The following SLC10A3 variants were observed in gnomAD, a reference collection of about 807,000 sequenced individuals.
SLC10A3 encodes the protein P3 protein.
SLC10A3 carries 1 observed loss-of-function variant against 1.9 expected under a neutral mutation model. The observed-to-expected ratio is 0.52, with a 90% CI of 0.19 to 2.48. The LOEUF is 2.48. SLC10A3 is among the 30% of genes most tolerant of loss of function. The pLI is 0.25. For synonymous variants in SLC10A3, 202 were observed against 189.3 expected, an observed-to-expected ratio of 1.07 and a Z score of -0.55; for missense variants, 317 against 398.5, an observed-to-expected ratio of 0.80 and a Z score of 1.74.
Position 154,488,215 on chromosome X carries a change from G to A in SLC10A3, c.726C>T (p.Phe242=), listed in dbSNP as rs2069332038. The change falls in exon 2 of 2, where the codon TTC becomes TTT. Residue 242 remains phenylalanine (F), a synonymous_variant. Coordinates refer to ENST00000651600, the MANE Select transcript of SLC10A3 (RefSeq NM_019848.5). The part of the protein sequence containing the change: ...GQFLVMPLYA[F]LMAKVFMLPK... ...GCAGCATGAAGACCTTGGCCATGAG[G>A]AAAGCGTACAAGGGCATGACCAGAA... 8.3e-7 allele frequency: 1 copy of A among 1,210,291 alleles called. No homozygotes were observed. Among genetic ancestry groups the A allele is most frequent in the Non-Finnish European group, 1.1e-6 (1 of 895,312 alleles).
At chrX:154,489,880 C>G in intron 1 of SLC10A3, 1 of 995,688 alleles carries the variant, frequency 1.0e-6, no homozygotes, top group Non-Finnish European at 1.3e-6. Context: ...TCCCGGCGAG[C>G]CTCCCCTATC....
intron 1 of SLC10A3, chrX:154,489,562 G>A (rs1557214204): frequency 2.0e-5 from 15 of 752,522 alleles, no homozygotes; most frequent in Non-Finnish European, 1.6e-5. Flanking sequence ...GCCCACATGC[G>A]CCCCTACCAG....
chrX:154,490,203 A>G, intron 1 of SLC10A3, 104 bp downstream of exon 1: 1 of 907,371 alleles, frequency 1.1e-6, no homozygotes, highest in Non-Finnish European at 1.4e-6. Context: ...GGGCCGACAG[A>G]GTTTGAGCAG....
chrX:154,488,658 G>A lies in SLC10A3; in HGVS notation c.283C>T (p.Gln95Ter). ...GGGCCAGGCGCCGTCCTGTTGGCCT[G>A]GCCTGGGTACTGGCTGGAGATCACG... ...IIVISSQYPG[Q>*]ANRTAPGPML... The change falls in exon 2 of 2, where the codon CAG becomes TAG. Residue 95 changes from glutamine to a stop codon, truncating the protein, a stop_gained. Transcript: ENST00000651600. LOFTEE classifies it low-confidence loss of function (END_TRUNC). 8.3e-7 allele frequency: 1 copy of A among 1,211,662 alleles called. No homozygotes were observed. Among genetic ancestry groups the A allele is most frequent in the East Asian group, 3.0e-5 (1 of 33,854 alleles).
rs781873205 is a variant in SLC10A3, at chrX:154,488,278, C to T, written c.663G>A (p.Gln221=). 15 of 1,209,873 alleles carry T rather than the reference C, an allele frequency of 1.2e-5. No homozygotes were observed. Among genetic ancestry groups the T allele is most frequent in the Non-Finnish European group, 1.7e-5 (15 of 895,062 alleles). The change falls in exon 2 of 2, where the codon CAG becomes CAA. Residue 221 remains glutamine (Q), a synonymous_variant. Coordinates refer to ENST00000651600, the MANE Select transcript of SLC10A3 (RefSeq NM_019848.5). ...VELEVLKGLM[Q]SPQPMLLGLL... Reference sequence around the variant, plus strand: ...GGCCCAGCAGCATGGGCTGGGGGCTCTGCATGAGCCCCTTCAGAACCTCGA... The same window carrying T: ...GGCCCAGCAGCATGGGCTGGGGGCTTTGCATGAGCCCCTTCAGAACCTCGA...
intron 1 of SLC10A3, chrX:154,489,416 TCAGA>T (rs1431583103): frequency 1.3e-6 from 1 of 752,695 alleles, no homozygotes; most frequent in African/African-American, 2.3e-5. Flanking sequence ...CAGGAGTGGA[TCAGA>T]CAGAGCCACA....
chrX:154,488,446 G>T lies in SLC10A3; in HGVS notation c.495C>A (p.Asp165Glu). 1.7e-6 allele frequency: 2 copies of T among 1,210,699 alleles called. No individual in the cohort carries two copies. Among genetic ancestry groups the T allele is most frequent in the Non-Finnish European group, 2.2e-6 (2 of 894,789 alleles). ...CAGCAGGTGAGACCTTGATGCAGAA[G>T]TCTCTCCGCTCCTCAATCAGTGTGG... ...APPTLIEERR[D>E]FCIKVSPAED... Residue 165 changes from aspartate (D) to glutamate (E), a missense_variant, in exon 2 of 2, where the codon GAC (aspartate) becomes GAA (glutamate). Coordinates refer to ENST00000651600, the MANE Select transcript of SLC10A3 (RefSeq NM_019848.5).
chrX:154,489,101 C>T lies in SLC10A3; in HGVS notation c.-142-19G>A, dbSNP rs2069352005. ...GCTGTCCCTGAGGAGGTAAGGGACA[C>T]AGAGAGGCAGCTGGTGAGGGTCACT... On this transcript the variant is annotated intron_variant, in intron 1 of 1. Transcript: ENST00000651600. 1 of 1,162,267 alleles carries T rather than the reference C, an allele frequency of 8.6e-7. No individual in the cohort carries two copies. The highest frequency in any genetic ancestry group is 1.8e-5 in the African/African-American group (1 of 56,308).
chrX:154,489,630 C>A (rs1342397285), intron 1 of SLC10A3: 2 of 752,758 alleles, frequency 2.7e-6, no homozygotes, highest in Non-Finnish European at 3.1e-6. Context: ...CCCCCTTCCA[C>A]TTCTCAATCT....
chrX:154,487,512 G>A lies in SLC10A3; in HGVS notation c.1429C>T (p.Pro477Ser). The A allele has an allele frequency of 8.3e-7, 1 of 1,211,152 alleles. No homozygotes were observed. Among genetic ancestry groups the A allele is most frequent in the Non-Finnish European group, 1.1e-6 (1 of 895,414 alleles). The change falls in exon 2 of 2, where the codon CCC becomes TCC. Residue 477 changes from proline (P) to serine (S), a missense_variant. By Grantham distance (74) the Pro-to-Ser change is moderately conservative. Coordinates refer to ENST00000651600, the MANE Select transcript of SLC10A3 (RefSeq NM_019848.5). Reference protein sequence around the residue: ...HFIYSSLFPVP With the variant: ...HFIYSSLFPVS ...GAAAGCTTGACCCAGAGGCCTCAGG[G>A]AACTGGGAACAGGCTGCTGTAGATG...
In SLC10A3 at chrX:154,487,504, G is replaced by T. The variant is rs2069314503; in HGVS notation, c.*3C>A. The T allele has an allele frequency of 8.3e-7, 1 of 1,211,007 alleles. No homozygotes were observed. The highest frequency in any genetic ancestry group is 1.1e-6 in the Non-Finnish European group (1 of 895,337). ...GGGCTGATGAAAGCTTGACCCAGAG[G>T]CCTCAGGGAACTGGGAACAGGCTGC... On this transcript the variant is annotated 3_prime_UTR_variant, in exon 2 of 2. Transcript: ENST00000651600.
intron 1 of SLC10A3, chrX:154,489,339 G>A (rs1225676407): frequency 1.3e-6 from 1 of 754,617 alleles, no homozygotes; most frequent in African/African-American, 2.3e-5. Context: ...TGCCCCTACA[G>A]TGACTCGATG....
In SLC10A3 at chrX:154,489,053, G is replaced by A. The variant is rs1362213793; in HGVS notation, c.-113C>T. On this transcript the variant is annotated 5_prime_UTR_variant, in exon 2 of 2. Transcript: ENST00000651600. ...GGGTTCATGGGTGGGTCCCAGTCCT[G>A]TGCTGTCTTCCTTGATGGCAGGGCT... is the stretch of plus-strand genomic sequence containing the variant. 2.1e-5 allele frequency: 25 copies of A among 1,164,420 alleles called. No individual in the cohort carries two copies. Among genetic ancestry groups the A allele is most frequent in the Non-Finnish European group, 2.8e-5 (24 of 871,680 alleles).
rs1603397681 is a variant in SLC10A3, at chrX:154,487,444, T to C, written c.*63A>G. The C allele has an allele frequency of 5.1e-6, 6 of 1,168,781 alleles. No individual in the cohort carries two copies. The highest frequency in any genetic ancestry group is 1.9e-5 in the South Asian group (1 of 53,909). ...ATAAGCCTGGATTTTTCTGAGTGCA[T>C]AGTGCATGAGAACTTTGGTGGAGTG... On this transcript the variant is annotated 3_prime_UTR_variant, in exon 2 of 2. Coordinates refer to ENST00000651600, the MANE Select transcript of SLC10A3 (RefSeq NM_019848.5).
chrX:154,488,873 G>C lies in SLC10A3; in HGVS notation c.68C>G (p.Thr23Arg). 3 of 1,210,478 alleles carry C rather than the reference G, an allele frequency of 2.5e-6. No homozygotes were observed. The highest frequency in any genetic ancestry group is 3.4e-6 in the Non-Finnish European group (3 of 895,292). ...AGCTCTGAGCATGCTTAAGGGACCT[G>C]TGCCACCACCCTCGCCCCCCAGACC... The part of the protein sequence containing the change: ...WPGLGGEGGG[T>R]GPLSMLRAAL... Residue 23 changes from threonine (T) to arginine (R), a missense_variant, in exon 2 of 2, where the codon ACA becomes AGA. Thr to Arg is a moderately conservative substitution (Grantham distance 71, BLOSUM62 -1). Coordinates refer to ENST00000651600, the MANE Select transcript of SLC10A3 (RefSeq NM_019848.5).
In SLC10A3 at chrX:154,488,654, G is replaced by T; in HGVS notation, c.287C>A (p.Ala96Asp). 1 of 1,211,475 alleles carries T rather than the reference G, an allele frequency of 8.3e-7. No individual in the cohort carries two copies. The highest frequency in any genetic ancestry group is 1.1e-6 in the Non-Finnish European group (1 of 895,139). Reference protein sequence around the residue: ...IVISSQYPGQANRTAPGPMLR... With the variant: ...IVISSQYPGQDNRTAPGPMLR... The stretch of plus-strand genomic sequence containing the variant: ...CATGGGGCCAGGCGCCGTCCTGTTG[G>T]CCTGGCCTGGGTACTGGCTGGAGAT... Residue 96 changes from alanine (A) to aspartate (D), a missense_variant, in exon 2 of 2, where the codon GCC (alanine) becomes GAC (aspartate). Ala to Asp is a moderately radical substitution (Grantham distance 126). Coordinates refer to ENST00000651600, the MANE Select transcript of SLC10A3 (RefSeq NM_019848.5).
rs782668844 is a variant in SLC10A3 at position 154,488,762 on chromosome X, G to T, written c.179C>A (p.Pro60Gln). ...AATGCTCAAGTAGCGGCCCCCAGTC[G>T]GTGGCACGGTGTGACCCCCAGCAGT... ...LSTAGGHTVPPTGGRYLSIGD... is the reference protein window; with the variant it reads ...LSTAGGHTVPQTGGRYLSIGD... The change falls in exon 2 of 2, where the codon CCG (proline) becomes CAG (glutamine). Residue 60 changes from proline (P) to glutamine (Q), a missense_variant. Physicochemically the swap from Pro to Gln is moderately conservative, Grantham distance 76 (BLOSUM62 -1). Transcript: ENST00000651600. 6 of 1,211,343 alleles carry T rather than the reference G, an allele frequency of 5.0e-6. No individual in the cohort carries two copies. The South Asian group carries it at 8.8e-5, about 18-fold the overall frequency.
chrX:154,488,440 G>A lies in SLC10A3; in HGVS notation c.501C>T (p.Cys167=). The A allele has an allele frequency of 8.3e-7, 1 of 1,210,805 alleles. No individual in the cohort carries two copies. The highest frequency in any genetic ancestry group is 1.1e-6 in the Non-Finnish European group (1 of 894,750). The change falls in exon 2 of 2, where the codon TGC becomes TGT. Residue 167 remains cysteine (C), a synonymous_variant. Coordinates refer to ENST00000651600, the MANE Select transcript of SLC10A3 (RefSeq NM_019848.5). ...TGTCTTCAGCAGGTGAGACCTTGAT[G>A]CAGAAGTCTCTCCGCTCCTCAATCA... ...PTLIEERRDF[C]IKVSPAEDTP...
At chrX:154,489,946 G>T in intron 1 of SLC10A3, 3 of 1,072,764 alleles carry the variant, frequency 2.8e-6, no homozygotes, top group Non-Finnish European at 3.7e-6. Context: ...ACTTACCCTG[G>T]AGGCCTTGGT....
Sources: allele counts gnomAD v4.1 joint callset, GRCh38; gene constraint gnomAD v4.1.1; transcripts MANE v1.5; gene names NCBI Gene and HGNC (gene_info 2026-07-23, HGNC 2026-07-21).